The following GLIS3 variants were observed in gnomAD, a reference collection of about 807,000 sequenced individuals.
GLIS3 encodes the protein zinc finger protein GLIS3.
Under a neutral mutation model 78.6 loss-of-function variants are expected in GLIS3, and 53 were observed. The ratio of observed to expected loss-of-function variants is 0.67; its 90% confidence interval spans 0.54 to 0.85. GLIS3 has a LOEUF of 0.85. Ranked by LOEUF, GLIS3 falls within the 40% of genes least tolerant of loss-of-function variation. GLIS3 has a pLI of 0.00. For synonymous variants in GLIS3, 684 were observed against 509.9 expected, an observed-to-expected ratio of 1.34 and a Z score of -4.60; for missense variants, 1,703 against 1,231.1, an observed-to-expected ratio of 1.38 and a Z score of -5.74.
chr9:4,236,793 C>T (rs1452319649), intron 2 of GLIS3, among the ~76,000 whole-genome samples: 1 of 152,184 alleles, frequency 6.6e-6, no homozygotes, highest in Non-Finnish European at 1.5e-5. Flanking sequence ...AGTTTTTAGG[C>T]CCCAAATCTA....
intron 4 of GLIS3, among the ~76,000 whole-genome samples, chr9:3,960,198 A>G (rs1332624543): frequency 6.6e-6 from 1 of 152,214 alleles, no homozygotes; most frequent in Non-Finnish European, 1.5e-5. Context: ...ACGTGAAATT[A>G]CAGGGAGAAC....
intron 2 of GLIS3, among the ~76,000 whole-genome samples, chr9:4,322,340 T>C (rs989648188): frequency 2.0e-4 from 31 of 152,162 alleles, no homozygotes; most frequent in Non-Finnish European, 3.1e-4. Flanking sequence ...AATAAACATA[T>C]GTGTGCATGT....
At chr9:4,459,204 G>T in the GLIS3 span, among the ~76,000 whole-genome samples, 32 of 152,326 alleles carry the variant, frequency 2.1e-4, no homozygotes, top group African/African-American at 7.0e-4. Context: ...TGGTAAAGCT[G>T]ATGAGAAGTG....
At chr9:4,362,853 C>G in the GLIS3 span, among the ~76,000 whole-genome samples, 2 of 151,960 alleles carry the variant, frequency 1.3e-5, no homozygotes, top group Non-Finnish European at 1.5e-5. Context: ...GGGAGGCATT[C>G]AAAATGCCTA....
chr9:4,046,351 C>T (rs1211762519), intron 4 of GLIS3, among the ~76,000 whole-genome samples: 1 of 152,020 alleles, frequency 6.6e-6, no homozygotes, highest in Admixed American at 6.6e-5. Flanking sequence ...CAGTAAAGAC[C>T]CTGAATGGTA....
At chr9:3,949,233 A>G (rs1055994542) in intron 4 of GLIS3, among the ~76,000 whole-genome samples, 2 of 152,230 alleles carry the variant, frequency 1.3e-5, no homozygotes, top group African/African-American at 4.8e-5. Context: ...AAGACTGACT[A>G]TCCTAAATTA....
rs576244515 is a variant in GLIS3 at position 4,118,020 on chromosome 9, G to A, written c.1458C>T (p.Thr486=). Residue 486 remains threonine, a synonymous_variant, in exon 4 of 11, where the codon ACC becomes ACT. Transcript: ENST00000381971. The surrounding 1 kb of genome is among the most constrained non-coding windows in gnomAD (Gnocchi z 4.7). The part of the protein sequence containing the change: ...HAQQLALPQA[T]LDDDGEMDGI... Reference sequence around the variant, plus strand: ...CGTCCATCTCCCCGTCGTCGTCCAGGGTGGCCTGGGGCAAGGCCAGCTGCT... The same window carrying A: ...CGTCCATCTCCCCGTCGTCGTCCAGAGTGGCCTGGGGCAAGGCCAGCTGCT... The A allele has an allele frequency of 1.9e-6, 3 of 1,603,912 alleles. No individual in the cohort carries two copies. Among genetic ancestry groups the A allele is most frequent in the Non-Finnish European group, 2.6e-6 (3 of 1,175,280 alleles).
Position 4,011,756 on chromosome 9 carries a change from C to G in GLIS3, c.1711-74567G>C, listed in dbSNP as rs563735250. ...TTGCTTTGGTAGGCCAGACACCTTA[C>G]TCTGACACTTCATTTTCATTTGATT... On this transcript the variant is annotated intron_variant, in intron 4 of 10. Coordinates refer to ENST00000381971, the MANE Select transcript of GLIS3 (RefSeq NM_001042413.2). Among the ~76,000 whole-genome samples the G allele has an allele frequency of 3.3e-4, 51 of 152,298 alleles. No homozygotes were observed. In the South Asian group the frequency reaches 7.3e-3, roughly 22 times the overall value.
chr9:4,141,668 T>C (rs921407648), intron 2 of GLIS3, among the ~76,000 whole-genome samples: 4 of 152,242 alleles, frequency 2.6e-5, no homozygotes, highest in East Asian at 3.8e-4. Context: ...ATTTCTTGTA[T>C]ACATAAATTG....
At chr9:4,113,633 T>C (rs1396352380) in intron 4 of GLIS3, among the ~76,000 whole-genome samples, 1 of 152,174 alleles carries the variant, frequency 6.6e-6, no homozygotes, top group African/African-American at 2.4e-5. Context: ...TAAAAGCGAA[T>C]GTGAAAAAGG....
intron 7 of GLIS3, among the ~76,000 whole-genome samples, chr9:3,896,671 A>AAAAAAAAAAAAAAAAAG (rs1822863039): frequency 3.6e-5 from 1 of 27,462 alleles, no homozygotes; most frequent in Non-Finnish European, 8.5e-5. Flanking sequence ...CATCTCAATT[A>AAAAAAAAAAAAAAAAAG]AAAAAAAAAA....
intron 4 of GLIS3, among the ~76,000 whole-genome samples, chr9:3,985,447 C>A (rs192062279): frequency 6.6e-6 from 1 of 152,292 alleles, no homozygotes; most frequent in Non-Finnish European, 1.5e-5. Context: ...TGCACCCAGC[C>A]CCAGTCAAAA....
chr9:4,169,971 A>G (rs951361969), intron 2 of GLIS3, among the ~76,000 whole-genome samples: 5 of 152,160 alleles, frequency 3.3e-5, no homozygotes, highest in African/African-American at 1.2e-4. Context: ...CTCACATCAA[A>G]ATGAAAAAGG....
the GLIS3 span, among the ~76,000 whole-genome samples, chr9:4,378,330 T>G: frequency 1.3e-5 from 2 of 152,152 alleles, no homozygotes; most frequent in Admixed American, 1.3e-4. Context: ...ATATCCCAGG[T>G]GCAATTATTC....
At chr9:4,240,430 C>T (rs780197204) in intron 2 of GLIS3, among the ~76,000 whole-genome samples, 2 of 152,184 alleles carry the variant, frequency 1.3e-5, no homozygotes, top group African/African-American at 2.4e-5. Flanking sequence ...TAACAGGCTA[C>T]GGACCAGCAG....
intron 2 of GLIS3, among the ~76,000 whole-genome samples, chr9:4,263,107 C>G (rs1053467966): frequency 2.0e-5 from 3 of 152,176 alleles, no homozygotes; most frequent in Admixed American, 6.5e-5. Context: ...GTAACCCACA[C>G]TGAAATGGCC....
the GLIS3 span, among the ~76,000 whole-genome samples, chr9:4,353,867 G>A: frequency 3.3e-5 from 5 of 152,160 alleles, no homozygotes; most frequent in South Asian, 2.1e-4. Flanking sequence ...GAAATCTGTC[G>A]CCCAGGATGG....
intron 9 of GLIS3, among the ~76,000 whole-genome samples, chr9:3,844,444 C>T (rs2130108490): frequency 6.6e-6 from 1 of 152,290 alleles, no homozygotes; most frequent in South Asian, 2.1e-4. Flanking sequence ...GAGTTCCCTT[C>T]ATTAGAGGCC....
intron 9 of GLIS3, chr9:3,855,618 G>C (rs2130234137): frequency 1.0e-5 from 3 of 298,592 alleles, no homozygotes; most frequent in Non-Finnish European, 6.5e-6. Flanking sequence ...TTGAAGGACG[G>C]AGAGGATGTG....
Sources: allele counts gnomAD v4.1 joint callset (sites outside exome capture counted in the v4.1 genomes callset), GRCh38; gene constraint gnomAD v4.1.1; non-coding constraint Gnocchi (gnomAD v3.1); transcripts MANE v1.5; gene names NCBI Gene and HGNC (gene_info 2026-07-23, HGNC 2026-07-21).